Variants in SLC35E4 observed in about 807,000 individuals in gnomAD.
SLC35E4 encodes the protein solute carrier family 35, member E4.
In SLC35E4, 15 loss-of-function variants were observed where a neutral mutation model predicts 19.3. That is an observed-to-expected ratio of 0.78 (90% CI 0.52 to 1.20). The LOEUF is 1.20. SLC35E4 is among the 50% of genes most tolerant of loss of function. The probability of loss-of-function intolerance (pLI) is 0.00; values close to 1 mark genes in which losing one functional copy is unlikely to be tolerated. For synonymous variants in SLC35E4, 219 were observed against 219.9 expected, an observed-to-expected ratio of 1.00 and a Z score of 0.04; for missense variants, 406 against 472.3, an observed-to-expected ratio of 0.86 and a Z score of 1.30.
rs2088136349 is a variant in SLC35E4, at chr22:30,646,701, T to C, written c.723T>C (p.Ala241=). ...CGGGTGCAGCCCTGGTGCTGGAGGC[T>C]GGCGTTGCCCCACCGCCCACTGCTG... ...LLAGAALVLE[A]GVAPPPTAGD... is the part of the protein sequence containing the mutation. The change falls in exon 2 of 2, where the codon GCT becomes GCC. Residue 241 remains alanine, a synonymous_variant. Coordinates refer to ENST00000343605, the MANE Select transcript of SLC35E4 (RefSeq NM_001001479.4). 2 of 1,612,396 alleles carry C rather than the reference T, an allele frequency of 1.2e-6. No individual in the cohort carries two copies. Among genetic ancestry groups the C allele is most frequent in the Admixed American group, 3.3e-5 (2 of 59,956 alleles).
intron 2 of SLC35E4, among the ~76,000 whole-genome samples, chr22:30,657,794 C>G (rs1403891938): frequency 1.3e-5 from 2 of 151,360 alleles, no homozygotes; most frequent in Admixed American, 1.3e-4. Flanking sequence ...GTCCCAGCTA[C>G]TCGGGAGGCT....
chr22:30,657,305 AC>A (rs201936931), intron 2 of SLC35E4, among the ~76,000 whole-genome samples: 45,080 of 98,604 alleles, frequency 0.46, 8,222 homozygotes, highest in African/African-American at 0.63. Context: ...ACACACACAC[AC>A]AAATTAGCCG....
chr22:30,661,345 G>A (rs185724425), intron 2 of SLC35E4: 1 of 152,122 alleles, frequency 6.6e-6, no homozygotes, highest in East Asian at 1.9e-4. Context: ...TTAGAGTTGG[G>A]ATGCTCAAGT....
In SLC35E4 at chr22:30,636,101, A is replaced by C; in HGVS notation, c.-350A>C. 4.0e-6 allele frequency: 1 copy of C among 249,788 alleles called. No individual in the cohort carries two copies. The highest frequency in any genetic ancestry group is 7.7e-6 in the Non-Finnish European group (1 of 129,698). 15.5% of individuals were successfully genotyped at this position (249,788 alleles called of 1,614,324 possible). A position where few individuals can be genotyped will look rare whatever the true frequency, so the allele number is the denominator to read the frequency against. On this transcript the variant is annotated 5_prime_UTR_variant, in exon 1 of 2. Transcript: ENST00000343605. The stretch of plus-strand genomic sequence containing the variant: ...CCTAATGACCTGGGGACTGAAGAGA[A>C]AAAAGGAACGAGGATTTCATCTAAA...
chr22:30,655,651 A>G (rs1249240113), intron 2 of SLC35E4, among the ~76,000 whole-genome samples: 1 of 152,174 alleles, frequency 6.6e-6, no homozygotes, highest in Non-Finnish European at 1.5e-5. Context: ...TGGTTTCAGC[A>G]TAAACATGAT....
At chr22:30,655,799 C>T (rs895816479) in intron 2 of SLC35E4, among the ~76,000 whole-genome samples, 1 of 152,042 alleles carries the variant, frequency 6.6e-6, no homozygotes, top group African/African-American at 2.4e-5. Flanking sequence ...AGAAAAATTC[C>T]AGGGTCTGCC....
chr22:30,651,425 ATATTTTTTTTTTTTTTTT>A (rs1227399329), downstream of SLC35E4, among the ~76,000 whole-genome samples: 31 of 27,448 alleles, frequency 1.1e-3, no homozygotes, highest in African/African-American at 3.4e-3. Flanking sequence ...ATATATATAT[ATATTTTTTTTTTTTTTTT>A]TTTTTTTTTT....
chr22:30,646,158 A>C (rs1327031222), intron 1 of SLC35E4, among the ~76,000 whole-genome samples: 5 of 152,156 alleles, frequency 3.3e-5, no homozygotes, highest in Non-Finnish European at 7.3e-5. Flanking sequence ...GATCATTTAG[A>C]TATCCCAAGC....
At chr22:30,645,587 T>C in intron 1 of SLC35E4, among the ~76,000 whole-genome samples, 1 of 108,226 alleles carries the variant, frequency 9.2e-6, no homozygotes, top group African/African-American at 3.5e-5. Context: ...AGAGCAAGAC[T>C]CTGTCTCCAA....
downstream of SLC35E4, chr22:30,665,374 C>A (rs1351722943): frequency 6.3e-6 from 2 of 319,756 alleles, no homozygotes; most frequent in Non-Finnish European, 1.3e-5. Flanking sequence ...CTTCTCCATG[C>A]TCTGAAGGGC....
chr22:30,666,009 G>A (rs1311738008), downstream of SLC35E4, among the ~76,000 whole-genome samples: 1 of 152,164 alleles, frequency 6.6e-6, no homozygotes, highest in African/African-American at 2.4e-5. Context: ...AATCCTACCT[G>A]CCAATGCCCC....
chr22:30,657,405 G>A (rs2088362261), intron 2 of SLC35E4, among the ~76,000 whole-genome samples: 1 of 148,214 alleles, frequency 6.7e-6, no homozygotes, highest in Non-Finnish European at 1.5e-5. Context: ...GTTGCAGTAA[G>A]CCGAGATCAC....
At chr22:30,654,703 A>T (rs952573966) in intron 2 of SLC35E4, 32 of 398,348 alleles carry the variant, frequency 8.0e-5, no homozygotes, top group African/African-American at 6.6e-4. Context: ...AGAAATACTG[A>T]TGCCCCCGCA....
rs777251583 is a variant in SLC35E4, at chr22:30,646,917, G to A, written c.939G>A (p.Val313=). The change falls in exon 2 of 2, where the codon GTG becomes GTA. Residue 313 remains valine, a synonymous_variant. Transcript: ENST00000343605. ...FGSRLSALSY[V]GIALTLSGMF... ...GCCGCCTCAGTGCCCTCAGCTACGT[G>A]GGCATCGCACTCACTCTTTCAGGAA... The A allele has an allele frequency of 1.2e-6, 2 of 1,614,080 alleles. No individual in the cohort carries two copies. The highest frequency in any genetic ancestry group is 1.3e-5 in the African/African-American group (1 of 74,942).
downstream of SLC35E4, chr22:30,665,190 C>T (rs1223112779): frequency 5.4e-6 from 1 of 184,744 alleles, no homozygotes; most frequent in African/African-American, 2.3e-5. Flanking sequence ...TCACACCTTT[C>T]AAGGCCAAGT....
At chr22:30,650,577 C>T (rs1377389392), downstream of SLC35E4, among the ~76,000 whole-genome samples, 8 of 152,148 alleles carry the variant, frequency 5.3e-5, 1 homozygote, top group Admixed American at 2.0e-4. Flanking sequence ...CATCTGAGCT[C>T]TGTGACCTTG....
intron 1 of SLC35E4, among the ~76,000 whole-genome samples, chr22:30,641,615 A>G (rs5997715): frequency 0.64 from 96,843 of 151,298 alleles, 32,146 homozygotes; most frequent in African/African-American, 0.83. Context: ...GTGCAATCTC[A>G]GCTCATTGCA....
rs373502439 is a variant in SLC35E4 at position 30,646,644 on chromosome 22, C to T, written c.666C>T (p.Tyr222=). 73 of 1,611,342 alleles carry T rather than the reference C, an allele frequency of 4.5e-5. No individual in the cohort carries two copies. Among genetic ancestry groups the T allele is most frequent in the South Asian group, 7.7e-5 (7 of 90,874 alleles). Residue 222 remains tyrosine (Y), a synonymous_variant, in exon 2 of 2, where the codon TAC becomes TAT. Transcript: ENST00000343605. ...EERLDAVTLL[Y]ATSLPSFCLL... is the part of the protein sequence containing the mutation. ...GGCTGGACGCGGTGACCCTGCTTTACGCCACCTCGCTGCCCAGCTTCTGCC... is the reference window on the plus strand; with the variant it reads ...GGCTGGACGCGGTGACCCTGCTTTATGCCACCTCGCTGCCCAGCTTCTGCC...
At chr22:30,653,263 C>T (rs2088259844) in intron 2 of SLC35E4, among the ~76,000 whole-genome samples, 1 of 152,058 alleles carries the variant, frequency 6.6e-6, no homozygotes, top group Admixed American at 6.5e-5. Context: ...CTGAACCCTT[C>T]GGCTATTGGG....
Sources: allele counts gnomAD v4.1 joint callset (sites outside exome capture counted in the v4.1 genomes callset), GRCh38; gene constraint gnomAD v4.1.1; transcripts MANE v1.5; gene names NCBI Gene and HGNC (gene_info 2026-07-23, HGNC 2026-07-21).